The following DMD variants were observed in gnomAD, a reference collection of about 807,000 sequenced individuals.
DMD encodes the protein dystrophin, also known as mutant dystrophin.
In DMD, 63 loss-of-function variants were observed where a neutral mutation model predicts 330.1. That is an observed-to-expected ratio of 0.19 (90% CI 0.16 to 0.24). The LOEUF (loss-of-function observed/expected upper bound fraction) is 0.24, where lower values mean the gene tolerates loss of function less well. Ranked by LOEUF, DMD falls within the 10% of genes least tolerant of loss-of-function variation. The probability of loss-of-function intolerance (pLI) is 1.00; values close to 1 mark genes in which losing one functional copy is unlikely to be tolerated. For synonymous variants in DMD, 1,223 were observed against 959.8 expected, an observed-to-expected ratio of 1.27 and a Z score of -5.07; for missense variants, 3,344 against 2,684.1, an observed-to-expected ratio of 1.25 and a Z score of -5.43.
At chrX:31,278,109 A>T (rs2052319309) in intron 62 of DMD, among the ~76,000 whole-genome samples, 1 of 111,535 alleles carries the variant, frequency 9.0e-6, no homozygotes, top group African/African-American at 3.3e-5. Flanking sequence ...ATGAATAGAC[A>T]GAAAAAGATT....
At chrX:32,702,168 TAAGA>T (rs1209379151) in intron 7 of DMD, among the ~76,000 whole-genome samples, 1 of 112,282 alleles carries the variant, frequency 8.9e-6, no homozygotes, top group East Asian at 2.8e-4. Flanking sequence ...TAATTTGGAA[TAAGA>T]AAGTAAATAA....
intron 66 of DMD, among the ~76,000 whole-genome samples, chrX:31,205,607 C>T (rs763859310): frequency 8.9e-6 from 1 of 112,324 alleles, no homozygotes; most frequent in African/African-American, 3.2e-5. Context: ...CCCATCTCAT[C>T]CGAAATACAT....
At chrX:31,714,404 C>T (rs1051723262) in intron 52 of DMD, among the ~76,000 whole-genome samples, 12 of 111,808 alleles carry the variant, frequency 1.1e-4, no homozygotes, top group African/African-American at 3.9e-4. Flanking sequence ...AAGGATCTGT[C>T]CAATTTAGCA....
At chrX:32,004,724 C>CT (rs1292998358) in intron 44 of DMD, among the ~76,000 whole-genome samples, 85 of 110,078 alleles carry the variant, frequency 7.7e-4, no homozygotes, top group African/African-American at 2.3e-3. Flanking sequence ...TTCTTTGTCA[C>CT]TTTTTTTTTC....
chrX:31,551,170 C>T (rs1392552995), intron 55 of DMD, among the ~76,000 whole-genome samples: 1 of 76,891 alleles, frequency 1.3e-5, no homozygotes, highest in Non-Finnish European at 2.3e-5. Flanking sequence ...CAGAGTGAGA[C>T]TCCATCTCGG....
intron 44 of DMD, among the ~76,000 whole-genome samples, chrX:32,085,143 C>T (rs1430945545): frequency 9.0e-6 from 1 of 110,956 alleles, no homozygotes; most frequent in Non-Finnish European, 1.9e-5. Flanking sequence ...AGATACTTGC[C>T]ACAAGTTTGG....
intron 2 of DMD, among the ~76,000 whole-genome samples, chrX:32,940,513 C>G (rs2090334366): frequency 9.0e-6 from 1 of 111,510 alleles, no homozygotes; most frequent in African/African-American, 3.3e-5. Flanking sequence ...TAAAGCCACA[C>G]ACCTGCAGCC....
intron 42 of DMD, among the ~76,000 whole-genome samples, chrX:32,299,513 C>T (rs1327010292): frequency 1.0e-4 from 6 of 58,378 alleles, no homozygotes; most frequent in Non-Finnish European, 1.7e-4. Context: ...CCTTCTGATA[C>T]AATTTTTTTT....
At chrX:32,342,072 A>T in intron 41 of DMD, 28 bp downstream of exon 41, 6 of 1,196,699 alleles carry the variant, frequency 5.0e-6, no homozygotes, top group Non-Finnish European at 6.8e-6. Flanking sequence ...TTGCAAACAC[A>T]TACGTGGGTT....
chrX:32,918,953 C>T (rs766517205), intron 2 of DMD, among the ~76,000 whole-genome samples: 164 of 112,135 alleles, frequency 1.5e-3, no homozygotes, highest in African/African-American at 5.0e-3. Flanking sequence ...CGGCAAAGAT[C>T]AGATTTTGTC....
At chrX:33,118,264 C>G (rs905027558) in intron 1 of DMD, among the ~76,000 whole-genome samples, 1 of 108,200 alleles carries the variant, frequency 9.2e-6, no homozygotes, top group African/African-American at 3.4e-5. Flanking sequence ...GCGCCCGCTA[C>G]CACGCCCGGC....
chrX:31,671,315 C>T (rs906124079), intron 53 of DMD, among the ~76,000 whole-genome samples: 22 of 112,255 alleles, frequency 2.0e-4, no homozygotes, highest in Admixed American at 5.6e-4. Flanking sequence ...GATGACCATA[C>T]GATTTTTGTC....
chrX:32,932,045 A>G (rs2089636731), intron 2 of DMD, among the ~76,000 whole-genome samples: 1 of 112,119 alleles, frequency 8.9e-6, no homozygotes, highest in Admixed American at 9.5e-5. Context: ...CTAAACACAA[A>G]CGTATCTGTC....
At chrX:33,225,213 T>C (rs751953679) in intron 1 of DMD, among the ~76,000 whole-genome samples, 202 of 111,678 alleles carry the variant, frequency 1.8e-3, no homozygotes, top group African/African-American at 5.2e-3. Flanking sequence ...GAAAAGGCAC[T>C]CTAAAATTTA....
rs766133727 is a variant in DMD at position 31,266,644 on chromosome X, C to T, written c.9225-5628G>A. Among the ~76,000 whole-genome samples, 34 of 112,207 alleles carry T rather than the reference C, an allele frequency of 3.0e-4. No individual in the cohort carries two copies. The East Asian group carries it at 9.1e-3, about 30-fold the overall frequency. ...AACCCCGGGGGCGCACCTGCAGCCGCGCCGCGGGAACCCGCGGGAGAGGTT... is the reference window on the plus strand; with the variant it reads ...AACCCCGGGGGCGCACCTGCAGCCGTGCCGCGGGAACCCGCGGGAGAGGTT... On this transcript the variant is annotated intron_variant, in intron 62 of 78. Transcript: ENST00000357033.
In DMD at chrX:32,490,045, C is replaced by A. The variant is rs773711758; in HGVS notation, c.2622+1232G>T. The stretch of plus-strand genomic sequence containing the variant: ...TCCGATATTTGAAGAACCATTAAGT[C>A]CTTCAATTGTTTTTCTCTTCAAAAT... On this transcript the variant is annotated intron_variant, in intron 20 of 78. Coordinates refer to ENST00000357033, the MANE Select transcript of DMD (RefSeq NM_004006.3). 1.2e-4 allele frequency among the ~76,000 whole-genome samples: 14 copies of A among 112,088 alleles called. No individual in the cohort carries two copies. The South Asian group carries it at 5.2e-3, about 42-fold the overall frequency.
chrX:31,943,862 G>A (rs778889486), intron 45 of DMD, among the ~76,000 whole-genome samples: 2 of 92,114 alleles, frequency 2.2e-5, no homozygotes, highest in South Asian at 1.2e-3. Flanking sequence ...ACGGAAACCC[G>A]AAGTTCCCCA....
At chrX:31,943,330 A>G (rs762279592) in intron 45 of DMD, among the ~76,000 whole-genome samples, 1 of 112,506 alleles carries the variant, frequency 8.9e-6, no homozygotes, top group South Asian at 3.6e-4. Context: ...GAAGTCATGA[A>G]AATATCTATG....
At chrX:32,458,262 C>T (rs997435492) in intron 25 of DMD, among the ~76,000 whole-genome samples, 4 of 110,958 alleles carry the variant, frequency 3.6e-5, no homozygotes, top group Admixed American at 9.6e-5. Flanking sequence ...AGTATTTGAC[C>T]GCGTGTGTCT....
Sources: allele counts gnomAD v4.1 joint callset (sites outside exome capture counted in the v4.1 genomes callset), GRCh38; gene constraint gnomAD v4.1.1; transcripts MANE v1.5; gene names NCBI Gene and HGNC (gene_info 2026-07-23, HGNC 2026-07-21).